NDST3: variants seen among roughly 807,000 people sequenced by gnomAD.
NDST3 encodes the protein bifunctional heparan sulfate N-deacetylase/N-sulfotransferase 3.
NDST3 carries 58 observed loss-of-function variants against 96.1 expected under a neutral mutation model. That is an observed-to-expected ratio of 0.60 (90% confidence interval 0.49 to 0.75). The LOEUF is 0.75. NDST3 is among the 30% of genes least tolerant of loss of function. The pLI, the probability that NDST3 is intolerant of heterozygous loss-of-function variation, is 0.00. For synonymous variants in NDST3, 333 were observed against 359.7 expected, an observed-to-expected ratio of 0.93 and a Z score of 0.84; for missense variants, 788 against 1,034.2, an observed-to-expected ratio of 0.76 and a Z score of 3.27.
intron 12 of NDST3, among the ~76,000 whole-genome samples, chr4:118,246,341 C>G (rs754941685): frequency 1.4e-4 from 22 of 152,188 alleles, no homozygotes; most frequent in Non-Finnish European, 2.5e-4. Context: ...TGGGGTGTCT[C>G]ACACCTGTAA....
intron 1 of NDST3, among the ~76,000 whole-genome samples, chr4:118,035,618 G>T (rs1055780363): frequency 1.3e-5 from 2 of 151,988 alleles, no homozygotes; most frequent in South Asian, 4.2e-4. Context: ...TTAAGATGGA[G>T]ATTTCAAATA....
At chr4:118,201,049 GT>G (rs1738046574) in intron 6 of NDST3, among the ~76,000 whole-genome samples, 1 of 152,118 alleles carries the variant, frequency 6.6e-6, no homozygotes, top group Non-Finnish European at 1.5e-5. Flanking sequence ...TGAATTTTCT[GT>G]TTCTGCATTA....
At chr4:118,064,022 A>G (rs1403483479) in intron 2 of NDST3, among the ~76,000 whole-genome samples, 1 of 152,210 alleles carries the variant, frequency 6.6e-6, no homozygotes, top group East Asian at 1.9e-4. Flanking sequence ...AGATTTACCG[A>G]TAAGTCTGGA....
chr4:118,183,486 T>C, intron 6 of NDST3, among the ~76,000 whole-genome samples: 1 of 152,138 alleles, frequency 6.6e-6, no homozygotes, highest in East Asian at 1.9e-4. Context: ...TAGTATAAGC[T>C]ATCTAGGGCC....
intron 6 of NDST3, chr4:118,193,573 C>T (rs948486461): frequency 7.9e-5 from 88 of 1,111,694 alleles, no homozygotes; most frequent in Non-Finnish European, 1.1e-4. Flanking sequence ...CCCAGGCAAG[C>T]TGCCTGCAGA....
At chr4:118,121,934 T>A (rs1333203806) in intron 4 of NDST3, among the ~76,000 whole-genome samples, 1 of 152,204 alleles carries the variant, frequency 6.6e-6, no homozygotes, top group African/African-American at 2.4e-5. Flanking sequence ...TAAATTCCTG[T>A]CCAGATTACC....
chr4:118,112,836 C>T (rs1023684972), intron 3 of NDST3, among the ~76,000 whole-genome samples: 1 of 152,116 alleles, frequency 6.6e-6, no homozygotes. Flanking sequence ...TTCCCTGAGC[C>T]ATAAGATAAC....
At chr4:118,147,143 A>T (rs1156567448) in intron 6 of NDST3, among the ~76,000 whole-genome samples, 1 of 152,198 alleles carries the variant, frequency 6.6e-6, no homozygotes, top group East Asian at 1.9e-4. Context: ...CCCATTTTAA[A>T]CTAATAGATG....
chr4:118,064,893 G>A (rs982755055), intron 2 of NDST3, among the ~76,000 whole-genome samples: 9 of 152,064 alleles, frequency 5.9e-5, no homozygotes, highest in Non-Finnish European at 1.2e-4. Flanking sequence ...TCTAGATTCC[G>A]CACACATTCC....
At chr4:118,042,808 C>T (rs549770434) in intron 1 of NDST3, among the ~76,000 whole-genome samples, 16 of 152,346 alleles carry the variant, frequency 1.1e-4, no homozygotes, top group African/African-American at 3.1e-4. Context: ...TGGCATGTCA[C>T]TTTCAAGCAC....
chr4:118,103,359 A>G (rs1729913834), intron 2 of NDST3, among the ~76,000 whole-genome samples: 1 of 152,116 alleles, frequency 6.6e-6, no homozygotes, highest in African/African-American at 2.4e-5. Flanking sequence ...GAAAGATAGG[A>G]AGGGTGGGCT....
chr4:118,157,056 C>A (rs1734756403), intron 6 of NDST3, among the ~76,000 whole-genome samples: 1 of 152,034 alleles, frequency 6.6e-6, no homozygotes, highest in African/African-American at 2.4e-5. Context: ...ATAGTGGGAA[C>A]AACCTAAACA....
At chr4:118,134,031 A>T (rs1353321039) in intron 4 of NDST3, among the ~76,000 whole-genome samples, 1 of 152,238 alleles carries the variant, frequency 6.6e-6, no homozygotes, top group African/African-American at 2.4e-5. Context: ...AAAGCTACTA[A>T]GAGAAGTTTT....
intron 7 of NDST3, 65 bp downstream of exon 7, chr4:118,224,738 C>A (rs1739765069): frequency 2.9e-6 from 4 of 1,384,974 alleles, no homozygotes; most frequent in East Asian, 2.5e-5. Flanking sequence ...TGAGATATCC[C>A]AAATTTGAAA....
At chr4:118,100,940 TG>T in intron 2 of NDST3, among the ~76,000 whole-genome samples, 1 of 152,306 alleles carries the variant, frequency 6.6e-6, no homozygotes, top group Middle Eastern at 3.4e-3. Flanking sequence ...GCTGCTTAAT[TG>T]ATTTCATTTA....
chr4:118,128,148 T>C (rs1732279998), intron 4 of NDST3, among the ~76,000 whole-genome samples: 1 of 152,026 alleles, frequency 6.6e-6, no homozygotes, highest in South Asian at 2.1e-4. Flanking sequence ...AATTTAACTG[T>C]TTCTTTTCCA....
chr4:118,200,487 T>A (rs1324948188), intron 6 of NDST3, among the ~76,000 whole-genome samples: 2 of 152,144 alleles, frequency 1.3e-5, no homozygotes, highest in African/African-American at 4.8e-5. Flanking sequence ...AGAAATGCCA[T>A]CTAAAAACCA....
chr4:118,233,591 G>A (rs547321024), intron 9 of NDST3, among the ~76,000 whole-genome samples: 4 of 152,016 alleles, frequency 2.6e-5, no homozygotes, highest in East Asian at 1.9e-4. Flanking sequence ...TATATTACAT[G>A]AGTAATCAAA....
intron 4 of NDST3, among the ~76,000 whole-genome samples, chr4:118,135,272 A>G (rs1269561612): frequency 1.3e-5 from 2 of 152,188 alleles, no homozygotes; most frequent in Non-Finnish European, 2.9e-5. Context: ...AGGAAGGGGT[A>G]GTGGGGTAGA....
Sources: gnomAD v4.1 joint callset for allele counts (sites outside exome capture counted in the v4.1 genomes callset) on GRCh38, gnomAD v4.1.1 for gene constraint, MANE v1.5 for transcripts, NCBI Gene and HGNC (gene_info 2026-07-23, HGNC 2026-07-21) for gene names.